AKAP13: variants seen among roughly 807,000 people sequenced by gnomAD.
AKAP13 encodes A-kinase anchoring protein 13.
AKAP13 carries 80 observed loss-of-function variants against 264.5 expected under a neutral mutation model. The observed-to-expected ratio is 0.30, with a 90% CI of 0.25 to 0.36. The LOEUF is 0.36. AKAP13 is among the 10% of genes least tolerant of loss of function. AKAP13 has a pLI of 1.00. For synonymous variants in AKAP13, 1,380 were observed against 1,250.2 expected (o/e 1.10, Z -2.19); for missense variants, 3,712 against 3,435.2 (o/e 1.08, Z -2.01).
At chr15:85,472,901 CTATG>C (rs1445491603) in intron 1 of AKAP13, among the ~76,000 whole-genome samples, 1 of 152,164 alleles carries the variant, frequency 6.6e-6, no homozygotes, top group Admixed American at 6.5e-5. Flanking sequence ...GGCCATATTA[CTATG>C]TATGTGACAC....
chr15:85,402,522 A>G (rs59141118), intron 1 of AKAP13, among the ~76,000 whole-genome samples: 15,322 of 152,244 alleles, frequency 0.1, 937 homozygotes, highest in East Asian at 0.31. Flanking sequence ...CTGTGCTCTG[A>G]TGTTAACTGC....
intron 13 of AKAP13, among the ~76,000 whole-genome samples, chr15:85,668,136 T>TGAG (rs2083707660): frequency 6.6e-6 from 1 of 152,228 alleles, no homozygotes. Flanking sequence ...TGCCTTTCAC[T>TGAG]GAGGTCATTT....
intron 8 of AKAP13, among the ~76,000 whole-genome samples, chr15:85,617,307 G>A (rs181927239): frequency 2.4e-4 from 37 of 152,280 alleles, no homozygotes; most frequent in Non-Finnish European, 5.1e-4. Context: ...GCAGTGGCGC[G>A]ATCTTGGCTC....
chr15:85,395,411 GAAAT>G (rs1380188111), intron 1 of AKAP13, among the ~76,000 whole-genome samples: 3 of 152,160 alleles, frequency 2.0e-5, no homozygotes, highest in Admixed American at 6.5e-5. Flanking sequence ...TTTGTAACAT[GAAAT>G]ACACCCAGGT....
chr15:85,601,608 T>TTGTG (rs10574160), intron 8 of AKAP13, among the ~76,000 whole-genome samples: 3,608 of 132,016 alleles, frequency 0.027, 67 homozygotes, highest in African/African-American at 0.055. Flanking sequence ...CCTGAATTCT[T>TTGTG]TGTGTGTGTG....
intron 13 of AKAP13, among the ~76,000 whole-genome samples, chr15:85,668,747 G>A (rs2083742108): frequency 6.6e-6 from 1 of 152,178 alleles, no homozygotes. Context: ...TTTAAGACCA[G>A]CCTGGCCAAC....
chr15:85,544,709 G>C (rs746009421), intron 5 of AKAP13, among the ~76,000 whole-genome samples: 7 of 152,192 alleles, frequency 4.6e-5, no homozygotes, highest in Non-Finnish European at 1.0e-4. Flanking sequence ...GAAGTTTCAA[G>C]AATAGTTTCT....
intron 17 of AKAP13, among the ~76,000 whole-genome samples, chr15:85,697,537 C>G (rs1338234498): frequency 6.6e-6 from 1 of 152,056 alleles, no homozygotes; most frequent in Non-Finnish European, 1.5e-5. Context: ...CCACTGCACT[C>G]CAGTCTGGGT....
chr15:85,456,556 T>A (rs1035373570), intron 1 of AKAP13, among the ~76,000 whole-genome samples: 1 of 150,160 alleles, frequency 6.7e-6, no homozygotes, highest in East Asian at 1.9e-4. Flanking sequence ...TTCTGTTTTT[T>A]TTTTTTTTTT....
In AKAP13 at chr15:85,639,385, A is replaced by T. The variant is rs771555969; in HGVS notation, c.4173A>T (p.Glu1391Asp). ...TCTTTTTCTTTCAGATAAACCGAGAAAACTGGTGTACAATAGAGCCATGCC... is the reference window on the plus strand; with the variant it reads ...TCTTTTTCTTTCAGATAAACCGAGATAACTGGTGTACAATAGAGCCATGCC... ...QGPMTQAINR[E>D]NWCTIEPCPD... Residue 1391 changes from glutamate to aspartate, a missense_variant, in exon 9 of 37, where the codon GAA (glutamate) becomes GAT (aspartate). By Grantham distance (45) the Glu-to-Asp change is conservative. Transcript: ENST00000394518. The T allele has an allele frequency of 6.2e-7, 1 of 1,610,886 alleles. No homozygotes were observed. The highest frequency in any genetic ancestry group is 1.1e-5 in the South Asian group (1 of 91,038).
chr15:85,682,339 G>A, intron 15 of AKAP13, 127 bp downstream of exon 15: 1 of 940,846 alleles, frequency 1.1e-6, no homozygotes, highest in South Asian at 1.6e-5. Flanking sequence ...GATAAACTTG[G>A]AATAATGATT....
intron 3 of AKAP13, among the ~76,000 whole-genome samples, chr15:85,525,057 A>ATTT (rs1567105270): frequency 7.7e-5 from 8 of 103,584 alleles, no homozygotes; most frequent in African/African-American, 2.9e-4. Context: ...TCTATCTTTA[A>ATTT]ATTTTTTTTT....
chr15:85,596,868 A>G (rs58614772), intron 8 of AKAP13, among the ~76,000 whole-genome samples: 1 of 152,132 alleles, frequency 6.6e-6, no homozygotes, highest in African/African-American at 2.4e-5. Context: ...TACTGTGTAG[A>G]GTATGAAGTA....
rs764122141 is a variant in AKAP13, at chr15:85,581,190, CTCTGTTGCCATG to C, written c.3133_3144del (p.Cys1045_Pro1048del). ...TTGGGGGCAGAGCACAACAGCTCCG[CTCTGTTGCCATG>C]TCTGTTGCCAGATGGGTCTGATGGG... On this transcript the variant is annotated inframe_deletion, in exon 7 of 37. Transcript: ENST00000394518. The C allele has an allele frequency of 1.0e-4, 164 of 1,614,032 alleles. No individual in the cohort carries two copies. In the Middle Eastern group the frequency reaches 1.3e-3, roughly 13 times the overall value.
At chr15:85,440,338 C>G (rs2073582239) in intron 1 of AKAP13, among the ~76,000 whole-genome samples, 1 of 152,092 alleles carries the variant, frequency 6.6e-6, no homozygotes, top group Non-Finnish European at 1.5e-5. Context: ...TAGATGAAAA[C>G]TTTTTCTTAA....
chr15:85,397,031 T>TC lies in AKAP13; in HGVS notation c.-12+16240dup, dbSNP rs1270753628. Among the ~76,000 whole-genome samples, 28 of 141,322 alleles carry TC rather than the reference T, an allele frequency of 2.0e-4. 1 individual carries two copies. In the Middle Eastern group the frequency reaches 0.017, roughly 88 times the overall value. The allele number at this position is 141,322 out of a possible 152,430, so 92.7% of individuals were successfully genotyped here. On this transcript the variant is annotated intron_variant, in intron 1 of 36. Coordinates refer to ENST00000394518, the MANE Select transcript of AKAP13 (RefSeq NM_007200.5). ...TGTTCCCCCCATTGAATTTGGTGAT[T>TC]CCCCCCCGCCCCCCGAGGATTATTT...
chr15:85,492,724 T>C (rs2075765237), intron 2 of AKAP13, among the ~76,000 whole-genome samples: 1 of 152,238 alleles, frequency 6.6e-6, no homozygotes, highest in South Asian at 2.1e-4. Flanking sequence ...TTTTCCTTTT[T>C]CAATCCAGGA....
chr15:85,533,783 G>T lies in AKAP13; in HGVS notation c.381G>T (p.Gly127=). ...TTGACCAGTCAGGACCCCCATCTGG[G>T]GATGTGAATTCCCTTGATAAGAAGT... ...RFLDQSGPPS[G]DVNSLDKKLV... is the part of the protein sequence containing the mutation. The change falls in exon 4 of 37, where the codon GGG becomes GGT. Residue 127 remains glycine, a synonymous_variant. Coordinates refer to ENST00000394518, the MANE Select transcript of AKAP13 (RefSeq NM_007200.5). 6.2e-7 allele frequency: 1 copy of T among 1,613,858 alleles called. No individual in the cohort carries two copies. The highest frequency in any genetic ancestry group is 1.3e-5 in the African/African-American group (1 of 75,036).
chr15:85,680,409 G>T (rs544437826), intron 14 of AKAP13, among the ~76,000 whole-genome samples: 96 of 152,204 alleles, frequency 6.3e-4, no homozygotes, highest in African/African-American at 2.2e-3. Context: ...TTCTTATGCT[G>T]CTAATCTTTC....
Sources: allele counts gnomAD v4.1 joint callset (sites outside exome capture counted in the v4.1 genomes callset), GRCh38; gene constraint gnomAD v4.1.1; transcripts MANE v1.5; gene names NCBI Gene and HGNC (gene_info 2026-07-23, HGNC 2026-07-21).